Variants in RSF1 observed in about 807,000 individuals in gnomAD.
RSF1 encodes HBV pX-associated protein 8.
In RSF1, 13 loss-of-function variants were observed where a neutral mutation model predicts 145.2. That is an observed-to-expected ratio of 0.09 (90% CI 0.06 to 0.14). The LOEUF (loss-of-function observed/expected upper bound fraction) is 0.14. RSF1 is among the 10% of genes least tolerant of loss of function. The pLI, the probability that RSF1 is intolerant of heterozygous loss-of-function variation, is 1.00. For missense variants in RSF1, 1,517 were observed against 1,718.2 expected (o/e 0.88, Z 2.07); for synonymous variants, 577 against 592.6 (o/e 0.97, Z 0.38).
intron 1 of RSF1, among the ~76,000 whole-genome samples, chr11:77,787,072 G>A (rs2135962442): frequency 6.6e-6 from 1 of 152,318 alleles, no homozygotes; most frequent in South Asian, 2.1e-4. Context: ...AGAGTACTCT[G>A]GAAATTTGCA....
At chr11:77,865,402 G>C in the RSF1 span, among the ~76,000 whole-genome samples, 2 of 152,110 alleles carry the variant, frequency 1.3e-5, no homozygotes, top group South Asian at 4.2e-4. Context: ...TCATCTCCTA[G>C]AACATTTGAA....
the RSF1 span, chr11:77,869,576 C>G: frequency 1.4e-6 from 1 of 711,740 alleles, no homozygotes; most frequent in Non-Finnish European, 2.4e-6. Context: ...GTCAGCCTTC[C>G]TAAGTGCCTT....
chr11:77,759,949 G>A (rs1035110265), intron 2 of RSF1, among the ~76,000 whole-genome samples: 7 of 151,664 alleles, frequency 4.6e-5, no homozygotes, highest in African/African-American at 1.7e-4. Flanking sequence ...AAAGAAACTG[G>A]AAACCTCATA....
At chr11:77,863,748 C>T in the RSF1 span, among the ~76,000 whole-genome samples, 1 of 152,104 alleles carries the variant, frequency 6.6e-6, no homozygotes, top group African/African-American at 2.4e-5. Flanking sequence ...CTCCTGGCCT[C>T]AAGCGACCCT....
chr11:77,694,818 T>C (rs1486613275), intron 7 of RSF1, among the ~76,000 whole-genome samples: 4 of 152,226 alleles, frequency 2.6e-5, no homozygotes, highest in Admixed American at 1.3e-4. Context: ...CGTTTCTTGG[T>C]CCTTCTTTGT....
chr11:77,749,874 G>A (rs534477198), intron 2 of RSF1, among the ~76,000 whole-genome samples: 7 of 152,046 alleles, frequency 4.6e-5, no homozygotes, highest in South Asian at 2.1e-4. Flanking sequence ...TCAGCCTCCC[G>A]AGTAGCTGAG....
At chr11:77,844,725 T>C in the RSF1 span, among the ~76,000 whole-genome samples, 1 of 152,146 alleles carries the variant, frequency 6.6e-6, no homozygotes. Flanking sequence ...CCAGAGGCTT[T>C]AGGGATTTTG....
intron 9 of RSF1, among the ~76,000 whole-genome samples, chr11:77,686,220 G>C (rs1959999674): frequency 6.6e-6 from 1 of 151,856 alleles, no homozygotes; most frequent in South Asian, 2.1e-4. Context: ...GGGCAACACA[G>C]TGAGACGCCT....
At chr11:77,667,849 G>A (rs11603438) in intron 15 of RSF1, among the ~76,000 whole-genome samples, 26,293 of 151,894 alleles carry the variant, frequency 0.17, 2,756 homozygotes, top group Middle Eastern at 0.25. Context: ...GATTACAGGC[G>A]CCAGCCACCA....
upstream of RSF1, among the ~76,000 whole-genome samples, chr11:77,824,104 G>A (rs1208263472): frequency 6.6e-6 from 1 of 152,202 alleles, no homozygotes; most frequent in East Asian, 1.9e-4. Flanking sequence ...ACAAAGCAAG[G>A]TTTAAGCATG....
intron 4 of RSF1, among the ~76,000 whole-genome samples, chr11:77,736,439 C>T (rs1961354875): frequency 6.6e-6 from 1 of 152,188 alleles, no homozygotes; most frequent in Non-Finnish European, 1.5e-5. Flanking sequence ...AAATACCATG[C>T]TCCAGGTATG....
chr11:77,863,463 G>T, the RSF1 span, among the ~76,000 whole-genome samples: 1 of 152,140 alleles, frequency 6.6e-6, no homozygotes, highest in Non-Finnish European at 1.5e-5. Context: ...AAAGGGAGGG[G>T]ACCCAAAGAA....
intron 3 of RSF1, 54 bp downstream of exon 3, chr11:77,746,982 G>A (rs1433774536): frequency 8.6e-7 from 1 of 1,162,982 alleles, no homozygotes; most frequent in Non-Finnish European, 1.2e-6. Context: ...TTAACCAGGA[G>A]TCAAAAGTTA....
the RSF1 span, among the ~76,000 whole-genome samples, chr11:77,852,224 C>CAAAAAGAAAAAAAA: frequency 3.0e-5 from 1 of 33,530 alleles, no homozygotes; most frequent in Non-Finnish European, 4.8e-5. Flanking sequence ...GACACTGTCT[C>CAAAAAGAAAAAAAA]AAAAAAAAAA....
the RSF1 span, among the ~76,000 whole-genome samples, chr11:77,831,216 A>T: frequency 6.6e-6 from 1 of 152,150 alleles, no homozygotes; most frequent in Non-Finnish European, 1.5e-5. Flanking sequence ...GTTGACAAGG[A>T]TATGGAGAAA....
At chr11:77,710,766 G>A (rs1406390967) in intron 5 of RSF1, among the ~76,000 whole-genome samples, 2 of 152,084 alleles carry the variant, frequency 1.3e-5, no homozygotes, top group African/African-American at 2.4e-5. Flanking sequence ...ATTCATCTGT[G>A]ACTAGTTGGA....
intron 5 of RSF1, among the ~76,000 whole-genome samples, chr11:77,703,842 C>A (rs1960480331): frequency 6.6e-6 from 1 of 152,004 alleles, no homozygotes; most frequent in African/African-American, 2.4e-5. Flanking sequence ...AAGAAAAAAA[C>A]AGAGATGACA....
intron 5 of RSF1, among the ~76,000 whole-genome samples, chr11:77,708,230 G>A (rs548496089): frequency 1.3e-5 from 2 of 152,106 alleles, no homozygotes; most frequent in Admixed American, 1.3e-4. Flanking sequence ...GACCAGCCTG[G>A]GCAACATAAT....
chr11:77,854,622 C>A, the RSF1 span, among the ~76,000 whole-genome samples: 1 of 152,256 alleles, frequency 6.6e-6, no homozygotes, highest in Admixed American at 6.5e-5. Flanking sequence ...AGGCTTTGGG[C>A]AGCTCTGCCT....
Sources: gnomAD v4.1 joint callset for allele counts (sites outside exome capture counted in the v4.1 genomes callset) on GRCh38, gnomAD v4.1.1 for gene constraint, MANE v1.5 for transcripts, NCBI Gene and HGNC (gene_info 2026-07-23, HGNC 2026-07-21) for gene names.